The following SUMF1 variants were observed in gnomAD, a reference collection of about 807,000 sequenced individuals.
The protein encoded by SUMF1 is formylglycine-generating enzyme.
Under a neutral mutation model 47.6 loss-of-function variants are expected in SUMF1, and 48 were observed. The observed-to-expected ratio is 1.01, with a 90% CI of 0.80 to 1.28. The LOEUF is 1.28. SUMF1 is among the 50% of genes most tolerant of loss of function. The probability of loss-of-function intolerance (pLI) is 0.00; values close to 1 mark genes in which losing one functional copy is unlikely to be tolerated. For synonymous variants in SUMF1, 230 were observed against 192.1 expected, an observed-to-expected ratio of 1.20 and a Z score of -1.63; for missense variants, 571 against 485.4, an observed-to-expected ratio of 1.18 and a Z score of -1.66.
chr3:4,428,325 G>A (rs1702129647), intron 3 of SUMF1, among the ~76,000 whole-genome samples: 1 of 152,034 alleles, frequency 6.6e-6, no homozygotes, highest in East Asian at 1.9e-4. Flanking sequence ...TCTGGGTGGT[G>A]AGATTATGGG....
chr3:4,217,346 A>T (rs1188758241), intron 8 of SUMF1, among the ~76,000 whole-genome samples: 1 of 148,762 alleles, frequency 6.7e-6, no homozygotes, highest in Non-Finnish European at 1.5e-5. Context: ...GGGGAACATC[A>T]CACACAAGGG....
chr3:4,216,435 A>C (rs1443647061), intron 8 of SUMF1, among the ~76,000 whole-genome samples: 2 of 152,198 alleles, frequency 1.3e-5, no homozygotes, highest in Non-Finnish European at 2.9e-5. Context: ...AACCATAAAA[A>C]TCCTAGAAGA....
At chr3:4,386,374 A>G (rs144704474) in intron 7 of SUMF1, among the ~76,000 whole-genome samples, 200 of 152,250 alleles carry the variant, frequency 1.3e-3, no homozygotes, top group African/African-American at 4.3e-3. Flanking sequence ...TGGTGACTGT[A>G]AATGTATTGT....
intron 3 of SUMF1, among the ~76,000 whole-genome samples, chr3:4,446,481 C>T (rs1243890469): frequency 6.6e-6 from 1 of 152,174 alleles, no homozygotes; most frequent in Non-Finnish European, 1.5e-5. Flanking sequence ...CAATCTTGGG[C>T]ATGTCTTTAT....
intron 8 of SUMF1, among the ~76,000 whole-genome samples, chr3:4,255,657 T>A (rs1376662478): frequency 8.0e-5 from 11 of 137,508 alleles, no homozygotes; most frequent in African/African-American, 2.8e-4. Context: ...CTACCACACA[T>A]TAATAATGGG....
intron 8 of SUMF1, among the ~76,000 whole-genome samples, chr3:4,142,857 G>C (rs1660396616): frequency 1.3e-5 from 2 of 151,992 alleles, no homozygotes; most frequent in Non-Finnish European, 1.5e-5. Flanking sequence ...AGAACTACTA[G>C]AATGTTCATC....
At chr3:4,466,531 A>G (rs1448091852) in intron 1 of SUMF1, among the ~76,000 whole-genome samples, 1 of 152,160 alleles carries the variant, frequency 6.6e-6, no homozygotes, top group Non-Finnish European at 1.5e-5. Flanking sequence ...AGTGCTAAGA[A>G]TAGCAGGATA....
chr3:4,158,941 C>G (rs77538123), intron 8 of SUMF1, among the ~76,000 whole-genome samples: 4,891 of 151,470 alleles, frequency 0.032, 461 homozygotes, highest in African/African-American at 0.11. Context: ...CTCAGCTACT[C>G]TACATTTTTT....
At chr3:4,184,611 T>C (rs1317915553) in intron 8 of SUMF1, among the ~76,000 whole-genome samples, 1 of 151,506 alleles carries the variant, frequency 6.6e-6, no homozygotes, top group Non-Finnish European at 1.5e-5. Flanking sequence ...TTAAATCCAA[T>C]ACCATCTGTC....
chr3:4,069,688 C>G (rs562795321), intron 8 of SUMF1, among the ~76,000 whole-genome samples: 1 of 152,090 alleles, frequency 6.6e-6, no homozygotes, highest in African/African-American at 2.4e-5. Context: ...CCTAAGGGGT[C>G]TAGGGGGTCA....
At chr3:4,037,016 C>A (rs1694812908) in intron 9 of SUMF1, among the ~76,000 whole-genome samples, 1 of 151,980 alleles carries the variant, frequency 6.6e-6, no homozygotes, top group South Asian at 2.1e-4. Context: ...TTAAAAGTTT[C>A]AAGGAGACAC....
chr3:4,236,137 T>C (rs762904346), intron 8 of SUMF1, among the ~76,000 whole-genome samples: 1 of 152,098 alleles, frequency 6.6e-6, no homozygotes, highest in Non-Finnish European at 1.5e-5. Context: ...GGTTTTGCCA[T>C]GTTGCCCAGG....
chr3:4,115,230 C>T (rs1693395325), intron 8 of SUMF1, among the ~76,000 whole-genome samples: 2 of 152,024 alleles, frequency 1.3e-5, no homozygotes, highest in Admixed American at 1.3e-4. Flanking sequence ...CAGCCAGTCT[C>T]CAGGGGAAGA....
chr3:4,300,409 C>G (rs1697939780), intron 8 of SUMF1, among the ~76,000 whole-genome samples: 1 of 150,050 alleles, frequency 6.7e-6, no homozygotes. Context: ...TATTTCTTTA[C>G]AGCAACACAA....
intron 8 of SUMF1, among the ~76,000 whole-genome samples, chr3:4,148,857 C>G (rs1282083475): frequency 6.6e-6 from 1 of 152,124 alleles, no homozygotes; most frequent in Non-Finnish European, 1.5e-5. Context: ...GACCTTTACA[C>G]AAGGGTCATA....
chr3:4,173,925 G>T (rs1194539312), intron 8 of SUMF1, among the ~76,000 whole-genome samples: 1 of 152,164 alleles, frequency 6.6e-6, no homozygotes. Context: ...AATACCTAAT[G>T]TAAGTGACAG....
At chr3:4,381,657 C>A (rs1026052263) in intron 7 of SUMF1, among the ~76,000 whole-genome samples, 2 of 152,224 alleles carry the variant, frequency 1.3e-5, no homozygotes, top group African/African-American at 4.8e-5. Flanking sequence ...CTCACACAAA[C>A]TATGCCTCAG....
At chr3:4,407,733 G>A (rs1383729330) in intron 7 of SUMF1, among the ~76,000 whole-genome samples, 1 of 152,138 alleles carries the variant, frequency 6.6e-6, no homozygotes, top group Non-Finnish European at 1.5e-5. Context: ...AAATCCTAGA[G>A]AGGTGAAACT....
intron 8 of SUMF1, among the ~76,000 whole-genome samples, chr3:4,267,036 T>C (rs961767538): frequency 1.3e-5 from 2 of 152,222 alleles, no homozygotes; most frequent in African/African-American, 4.8e-5. Context: ...TTTATTGATT[T>C]GTGCATATTG....
Sources: allele counts gnomAD v4.1 joint callset (sites outside exome capture counted in the v4.1 genomes callset), GRCh38; gene constraint gnomAD v4.1.1; transcripts MANE v1.5; gene names NCBI Gene and HGNC (gene_info 2026-07-23, HGNC 2026-07-21).